The following AGBL4 variants were observed in gnomAD, a reference collection of about 807,000 sequenced individuals.
AGBL4 encodes AGBL carboxypeptidase 4, also known as cytosolic carboxypeptidase 6.
Under a neutral mutation model 66.4 loss-of-function variants are expected in AGBL4, and 58 were observed. That is an observed-to-expected ratio of 0.87 (90% CI 0.71 to 1.09). The LOEUF is 1.09. Ranked by LOEUF, AGBL4 falls within the 50% of genes least tolerant of loss-of-function variation. The pLI is 0.00. For missense variants in AGBL4, 579 were observed against 631.0 expected (o/e 0.92, Z 0.88); for synonymous variants, 234 against 222.9 (o/e 1.05, Z -0.44).
chr1:49,564,389 T>C (rs1644136800), intron 3 of AGBL4, among the ~76,000 whole-genome samples: 1 of 152,218 alleles, frequency 6.6e-6, no homozygotes, highest in South Asian at 2.1e-4. Context: ...GTTCTTTTAA[T>C]TGTGATGTTA....
chr1:48,662,508 C>G (rs1646124344), intron 7 of AGBL4, among the ~76,000 whole-genome samples: 2 of 152,192 alleles, frequency 1.3e-5, no homozygotes, highest in African/African-American at 4.8e-5. Context: ...TACTTAACTT[C>G]TCTAAACTTC....
At chr1:49,556,645 G>A (rs181115013) in intron 3 of AGBL4, among the ~76,000 whole-genome samples, 4 of 151,916 alleles carry the variant, frequency 2.6e-5, no homozygotes, top group African/African-American at 7.2e-5. Context: ...AGCTGGCTTC[G>A]CCTAGTGGAT....
In AGBL4 at chr1:48,882,940, C is replaced by T. The variant is rs559241265; in HGVS notation, c.595-15710G>A. Among the ~76,000 whole-genome samples the T allele has an allele frequency of 2.6e-5, 4 of 152,304 alleles. No homozygotes were observed. The South Asian group carries it at 8.3e-4, about 32-fold the overall frequency. On this transcript the variant is annotated intron_variant, in intron 5 of 13. Coordinates refer to ENST00000371839, the MANE Select transcript of AGBL4 (RefSeq NM_032785.4). ...GGTTTATCTATGCTGTCACAAAAGACAGGAGTTCCTTCTTTTTAAAGACTG... is the reference window on the plus strand; with the variant it reads ...GGTTTATCTATGCTGTCACAAAAGATAGGAGTTCCTTCTTTTTAAAGACTG...
chr1:48,963,597 C>T (rs1658183182), intron 5 of AGBL4, among the ~76,000 whole-genome samples: 1 of 151,764 alleles, frequency 6.6e-6, no homozygotes, highest in Admixed American at 6.6e-5. Context: ...TGGGGAACTC[C>T]CATAGGGGCT....
At chr1:49,158,141 A>T (rs1272450201) in intron 4 of AGBL4, among the ~76,000 whole-genome samples, 2 of 152,142 alleles carry the variant, frequency 1.3e-5, no homozygotes, top group Non-Finnish European at 2.9e-5. Flanking sequence ...GAAAGCTGAA[A>T]CTGAACCCCT....
At chr1:49,188,276 G>A (rs555333953) in intron 4 of AGBL4, among the ~76,000 whole-genome samples, 25 of 152,180 alleles carry the variant, frequency 1.6e-4, no homozygotes, top group East Asian at 1.2e-3. Context: ...TCTCCTGGGC[G>A]TTCCCATAGC....
intron 2 of AGBL4, among the ~76,000 whole-genome samples, chr1:49,785,979 T>C (rs1454764444): frequency 6.6e-6 from 1 of 151,460 alleles, no homozygotes; most frequent in Non-Finnish European, 1.5e-5. Context: ...AAGGACTGTC[T>C]TCTCATTAGC....
intron 1 of AGBL4, among the ~76,000 whole-genome samples, chr1:49,916,576 T>A (rs897859038): frequency 2.0e-5 from 3 of 152,190 alleles, no homozygotes; most frequent in African/African-American, 7.2e-5. Context: ...AAGAAATATG[T>A]GACTTTGTGA....
At chr1:49,127,785 C>T (rs541559142) in intron 4 of AGBL4, among the ~76,000 whole-genome samples, 63 of 152,232 alleles carry the variant, frequency 4.1e-4, no homozygotes, top group African/African-American at 1.5e-3. Flanking sequence ...GTAAAAAGTA[C>T]TCTGTAACAG....
intron 3 of AGBL4, among the ~76,000 whole-genome samples, chr1:49,677,355 A>C (rs1646600861): frequency 6.6e-6 from 1 of 152,140 alleles, no homozygotes; most frequent in South Asian, 2.1e-4. Context: ...TGATATGATC[A>C]TGTGATTTTT....
chr1:48,901,888 G>A (rs1652116607), intron 5 of AGBL4, among the ~76,000 whole-genome samples: 1 of 152,148 alleles, frequency 6.6e-6, no homozygotes, highest in Admixed American at 6.5e-5. Context: ...ACCTGAGACT[G>A]GGCAATTTAC....
At chr1:49,826,704 C>A (rs1388108251) in intron 2 of AGBL4, among the ~76,000 whole-genome samples, 2 of 152,082 alleles carry the variant, frequency 1.3e-5, no homozygotes, top group African/African-American at 4.8e-5. Flanking sequence ...ATTTTAGGAC[C>A]CACCATTTTA....
intron 5 of AGBL4, among the ~76,000 whole-genome samples, chr1:48,989,464 C>T (rs968330829): frequency 1.3e-5 from 2 of 151,986 alleles, no homozygotes; most frequent in African/African-American, 4.8e-5. Flanking sequence ...ACTAGATCTA[C>T]TCATTGTTTC....
At chr1:48,911,355 T>C (rs1653078366) in intron 5 of AGBL4, among the ~76,000 whole-genome samples, 1 of 152,122 alleles carries the variant, frequency 6.6e-6, no homozygotes, top group African/African-American at 2.4e-5. Flanking sequence ...TGGTGGCTCA[T>C]GCCTGTAATC....
chr1:49,251,402 G>A (rs954357928), intron 3 of AGBL4, among the ~76,000 whole-genome samples: 6 of 152,170 alleles, frequency 3.9e-5, no homozygotes, highest in African/African-American at 1.4e-4. Context: ...GGCTTGGTGG[G>A]CACAGAGCCA....
chr1:49,452,248 T>A (rs1479144581), intron 3 of AGBL4, among the ~76,000 whole-genome samples: 1 of 151,970 alleles, frequency 6.6e-6, no homozygotes, highest in African/African-American at 2.4e-5. Context: ...CGTTTTACTA[T>A]ACTTATCTGG....
chr1:49,476,273 G>A (rs1273917609), intron 3 of AGBL4, among the ~76,000 whole-genome samples: 1 of 151,876 alleles, frequency 6.6e-6, no homozygotes, highest in African/African-American at 2.4e-5. Flanking sequence ...TCCATTGTAT[G>A]CTTAGTATAA....
At chr1:48,788,994 A>G (rs1427030782) in intron 6 of AGBL4, among the ~76,000 whole-genome samples, 1 of 152,192 alleles carries the variant, frequency 6.6e-6, no homozygotes, top group East Asian at 1.9e-4. Context: ...CCCTTACTTG[A>G]TCCCCAGTAA....
At chr1:49,066,046 G>T (rs1644486347) in intron 4 of AGBL4, among the ~76,000 whole-genome samples, 1 of 152,130 alleles carries the variant, frequency 6.6e-6, no homozygotes, top group African/African-American at 2.4e-5. Flanking sequence ...GCTGTAAGGG[G>T]AAAAAGAAGA....
Sources: gnomAD v4.1 joint callset for allele counts (sites outside exome capture counted in the v4.1 genomes callset) on GRCh38, gnomAD v4.1.1 for gene constraint, MANE v1.5 for transcripts, NCBI Gene and HGNC (gene_info 2026-07-23, HGNC 2026-07-21) for gene names.